ZMYND11: variants seen among roughly 807,000 people sequenced by gnomAD.
ZMYND11 encodes the protein zinc finger MYND domain-containing protein 11.
A neutral mutation model predicts 84.9 loss-of-function variants in ZMYND11; 9 were observed. The observed-to-expected ratio is 0.11, with a 90% CI of 0.06 to 0.18. The LOEUF (loss-of-function observed/expected upper bound fraction) is 0.18. Among genes scored for constraint, ZMYND11 ranks in the 10% least tolerant of loss-of-function variants. ZMYND11 has a pLI of 1.00. For synonymous variants in ZMYND11, 250 were observed against 244.1 expected, an observed-to-expected ratio of 1.02 and a Z score of -0.23; for missense variants, 409 against 761.0, an observed-to-expected ratio of 0.54 and a Z score of 5.44.
chr10:179,129 C>G (rs1327210082), intron 1 of ZMYND11, among the ~76,000 whole-genome samples: 9 of 152,098 alleles, frequency 5.9e-5, no homozygotes, highest in African/African-American at 2.2e-4. Context: ...CAGTGCGTCC[C>G]CAATGCTAGG....
At chr10:239,856 A>G (rs541272433) in intron 7 of ZMYND11, 200 bp from the exon 8 acceptor site, 8 of 566,060 alleles carry the variant, frequency 1.4e-5, no homozygotes, top group African/African-American at 5.7e-5. Flanking sequence ...GTCATTCTCT[A>G]TACCCTGAGA....
intron 10 of ZMYND11, among the ~76,000 whole-genome samples, chr10:244,122 T>A (rs947280109): frequency 3.9e-5 from 6 of 152,194 alleles, no homozygotes; most frequent in African/African-American, 9.7e-5. Flanking sequence ...TGTGAACAAT[T>A]TGAAGTGAAG....
chr10:250,651 T>G (rs1489689786), intron 14 of ZMYND11, among the ~76,000 whole-genome samples: 3 of 152,208 alleles, frequency 2.0e-5, no homozygotes, highest in Admixed American at 6.5e-5. Flanking sequence ...AGATGAAGAA[T>G]TTGAGGCTTA....
chr10:165,054 A>G (rs1215393301), intron 1 of ZMYND11, among the ~76,000 whole-genome samples: 3 of 151,488 alleles, frequency 2.0e-5, no homozygotes, highest in Non-Finnish European at 2.9e-5. Context: ...TTTTCCATCT[A>G]CCTCCTTTAC....
At chr10:137,884 A>G (rs1554752674) in intron 1 of ZMYND11, among the ~76,000 whole-genome samples, 1 of 152,148 alleles carries the variant, frequency 6.6e-6, no homozygotes, top group Non-Finnish European at 1.5e-5. Context: ...TCTGTTACTT[A>G]AAGGATTTCT....
At chr10:231,943 G>A (rs995211158) in intron 4 of ZMYND11, among the ~76,000 whole-genome samples, 3 of 152,086 alleles carry the variant, frequency 2.0e-5, no homozygotes, top group Admixed American at 6.5e-5. Flanking sequence ...AATCACTCCC[G>A]TATGCCACCA....
At chr10:248,647 G>A (rs777781859) in intron 13 of ZMYND11, 39 bp downstream of exon 13, 21 of 1,558,722 alleles carry the variant, frequency 1.3e-5, no homozygotes, top group South Asian at 4.9e-5. Context: ...TGCTGCAGCC[G>A]GCACTCCTGT....
At chr10:143,167 C>T (rs781949481) in intron 1 of ZMYND11, among the ~76,000 whole-genome samples, 4 of 152,046 alleles carry the variant, frequency 2.6e-5, no homozygotes, top group South Asian at 2.1e-4. Flanking sequence ...CTGGGTGTGC[C>T]GTCATCTAAC....
At chr10:227,151 G>C (rs1455720862) in intron 4 of ZMYND11, among the ~76,000 whole-genome samples, 1 of 152,120 alleles carries the variant, frequency 6.6e-6, no homozygotes, top group Non-Finnish European at 1.5e-5. Context: ...AAAATACTTT[G>C]GTTCTACATC....
chr10:249,680 C>A lies in ZMYND11; in HGVS notation c.1686+592C>A, dbSNP rs1952936637. ...CTTCTGAGTGCACAGGGTCCAAGTG[C>A]TCGTCCTACAGCCGCCACAGTGCTC... On this transcript the variant is annotated intron_variant, in intron 14 of 14. Coordinates refer to ENST00000381604, the MANE Select transcript of ZMYND11 (RefSeq NM_001370100.5). The A allele has an allele frequency of 4.1e-6, 4 of 985,406 alleles. No homozygotes were observed. In the East Asian group the frequency reaches 4.5e-4, roughly 112 times the overall value. 61.0% of individuals were successfully genotyped at this position (985,406 alleles called of 1,614,324 possible).
upstream of ZMYND11, chr10:135,307 A>C (rs1171814360): frequency 3.3e-5 from 5 of 150,846 alleles, no homozygotes; most frequent in African/African-American, 7.3e-5. This position sits in a 1 kb window ranked among gnomAD's most constrained non-coding sequence, Gnocchi z 5.6. Context: ...TCTGAGGTGG[A>C]GTATTACAAA....
At position 240,974 on chromosome 10, in the gene ZMYND11, T is replaced by C. The variant is rs1950793148; in HGVS notation, c.831+4T>C. Reference sequence around the variant, plus strand: ...CAACTGGTTCTGTTATCCTTGTGTATGTGAAATTTTTACCTCAAGTGTGTA... The same window carrying C: ...CAACTGGTTCTGTTATCCTTGTGTACGTGAAATTTTTACCTCAAGTGTGTA... On this transcript the variant is annotated splice_donor_region_variant and intron_variant, in intron 9 of 14. Transcript: ENST00000381604. 3 of 1,612,262 alleles carry C rather than the reference T, an allele frequency of 1.9e-6. No homozygotes were observed. Among genetic ancestry groups the C allele is most frequent in the Non-Finnish European group, 2.5e-6 (3 of 1,179,020 alleles).
rs535240797 is a variant in ZMYND11, at chr10:247,055, G to C, written c.1158+82G>C. On this transcript the variant is annotated intron_variant, in intron 11 of 14. Coordinates refer to ENST00000381604, the MANE Select transcript of ZMYND11 (RefSeq NM_001370100.5). ...CTTAGTGCACACTCCTCACTGTAAT[G>C]AACAGATTTTGACGTTCTCCTTCCC... The C allele has an allele frequency of 9.5e-6, 13 of 1,363,672 alleles. 1 individual carries two copies. The African/African-American group carries it at 1.7e-4, about 18-fold the overall frequency. 84.5% of individuals were successfully genotyped at this position (1,363,672 alleles called of 1,614,324 possible).
At chr10:194,196 C>G (rs1941172908) in intron 2 of ZMYND11, among the ~76,000 whole-genome samples, 1 of 147,168 alleles carries the variant, frequency 6.8e-6, no homozygotes, top group African/African-American at 2.5e-5. Context: ...CTTCATGTTG[C>G]CCAGGCTGGT....
chr10:223,710 A>G (rs933970250), intron 4 of ZMYND11, among the ~76,000 whole-genome samples: 1 of 152,216 alleles, frequency 6.6e-6, no homozygotes, highest in Non-Finnish European at 1.5e-5. Flanking sequence ...AGTACTAACA[A>G]TTCTTTTCCT....
At chr10:234,704 TAAG>T (rs1362293788) in intron 4 of ZMYND11, among the ~76,000 whole-genome samples, 4 of 152,180 alleles carry the variant, frequency 2.6e-5, no homozygotes, top group South Asian at 4.1e-4. Flanking sequence ...ATTCTCCTTT[TAAG>T]AAGAATGTAC....
chr10:146,701 T>G (rs1554755399), intron 1 of ZMYND11, among the ~76,000 whole-genome samples: 1 of 152,206 alleles, frequency 6.6e-6, no homozygotes, highest in African/African-American at 2.4e-5. Flanking sequence ...CCATGTCCCC[T>G]CCGAAAATCT....
intron 3 of ZMYND11, among the ~76,000 whole-genome samples, chr10:214,551 A>G (rs1004563588): frequency 6.6e-6 from 1 of 152,218 alleles, no homozygotes; most frequent in Non-Finnish European, 1.5e-5. Context: ...GGGTCCACAT[A>G]ATTCATTTAA....
chr10:211,727 G>A (rs1382463110), intron 3 of ZMYND11, among the ~76,000 whole-genome samples: 1 of 152,150 alleles, frequency 6.6e-6, no homozygotes, highest in Non-Finnish European at 1.5e-5. Flanking sequence ...AATTTCATTT[G>A]TGCACTGGAA....
Sources: allele counts gnomAD v4.1 joint callset (sites outside exome capture counted in the v4.1 genomes callset), GRCh38; gene constraint gnomAD v4.1.1; non-coding constraint Gnocchi (gnomAD v3.1); transcripts MANE v1.5; gene names NCBI Gene and HGNC (gene_info 2026-07-23, HGNC 2026-07-21).